The following DLG2 variants were observed in gnomAD, a reference collection of about 807,000 sequenced individuals.
The protein encoded by DLG2 is disks large homolog 2.
In DLG2, 45 loss-of-function variants were observed where a neutral mutation model predicts 132.5. The observed-to-expected ratio is 0.34, with a 90% confidence interval of 0.27 to 0.44. The LOEUF (loss-of-function observed/expected upper bound fraction) is 0.44. Ranked by LOEUF, DLG2 falls within the 20% of genes least tolerant of loss-of-function variation. The pLI is 1.00. For synonymous variants in DLG2, 424 were observed against 419.6 expected, an observed-to-expected ratio of 1.01 and a Z score of -0.13; for missense variants, 1,045 against 1,196.9, an observed-to-expected ratio of 0.87 and a Z score of 1.87.
At chr11:83,937,071 A>C (rs1458634394) in intron 14 of DLG2, among the ~76,000 whole-genome samples, 1 of 152,196 alleles carries the variant, frequency 6.6e-6, no homozygotes, top group Admixed American at 6.5e-5. Context: ...TTGATTTTTA[A>C]AAAATTTTTA....
intron 7 of DLG2, among the ~76,000 whole-genome samples, chr11:84,328,187 G>T (rs531875273): frequency 1.3e-5 from 2 of 151,966 alleles, no homozygotes; most frequent in East Asian, 3.9e-4. Flanking sequence ...TATGAATAAT[G>T]ATATGGGTAA....
intron 18 of DLG2, among the ~76,000 whole-genome samples, chr11:83,753,987 C>G (rs1301001871): frequency 1.4e-5 from 2 of 147,534 alleles, no homozygotes; most frequent in African/African-American, 5.2e-5. Flanking sequence ...AGAAAAAAGG[C>G]AGTAATACAA....
At chr11:83,962,848 T>C (rs1324018571) in intron 14 of DLG2, 37 bp downstream of exon 14, 2 of 1,605,570 alleles carry the variant, frequency 1.2e-6, no homozygotes, top group East Asian at 4.5e-5. Flanking sequence ...TTTCTGGTAA[T>C]AAGAGCAAAT....
intron 6 of DLG2, among the ~76,000 whole-genome samples, chr11:84,537,487 C>T (rs1350326643): frequency 6.6e-6 from 1 of 152,144 alleles, no homozygotes; most frequent in East Asian, 1.9e-4. Context: ...CATTTTTAAG[C>T]TTCTTTTAAA....
rs188414939 is a variant in DLG2 at position 84,361,590 on chromosome 11, C to T, written c.520-110299G>A. Among the ~76,000 whole-genome samples, 15 of 151,936 alleles carry T rather than the reference C, an allele frequency of 9.9e-5. No individual in the cohort carries two copies. The East Asian group carries it at 2.1e-3, about 22-fold the overall frequency. ...CAAAGAAAAATAACGACAGAGGAAA[C>T]GTATATCTATACACAGAATTTATAG... On this transcript the variant is annotated intron_variant, in intron 7 of 27. Coordinates refer to ENST00000376104, the MANE Select transcript of DLG2 (RefSeq NM_001142699.3).
chr11:85,271,297 ACCT>A (rs2077513454), intron 4 of DLG2, among the ~76,000 whole-genome samples: 2 of 151,894 alleles, frequency 1.3e-5, no homozygotes. Flanking sequence ...AGGTTTGGAA[ACCT>A]CCGCCTAGAT....
chr11:85,124,195 T>C (rs2074784573), intron 5 of DLG2, among the ~76,000 whole-genome samples: 1 of 152,246 alleles, frequency 6.6e-6, no homozygotes, highest in Admixed American at 6.5e-5. Flanking sequence ...TTGTCTGGGA[T>C]GTTCTTTGCC....
intron 6 of DLG2, among the ~76,000 whole-genome samples, chr11:84,972,950 GTT>G (rs199563898): frequency 2.2e-4 from 31 of 140,794 alleles, no homozygotes; most frequent in African/African-American, 3.6e-4. Context: ...AGTTTTTTGG[GTT>G]TTTTTTTTTT....
At chr11:84,985,732 G>A (rs1055588401) in intron 6 of DLG2, among the ~76,000 whole-genome samples, 1 of 152,106 alleles carries the variant, frequency 6.6e-6, no homozygotes, top group Non-Finnish European at 1.5e-5. Context: ...GGTGGCTCAT[G>A]CCTGTAATCC....
chr11:85,320,861 G>A (rs1288271023), intron 3 of DLG2, among the ~76,000 whole-genome samples: 3 of 151,750 alleles, frequency 2.0e-5, no homozygotes, highest in Admixed American at 1.3e-4. Flanking sequence ...GACAGAAGAG[G>A]ATGTTGGAAA....
chr11:83,648,773 G>C (rs774323864), intron 18 of DLG2, among the ~76,000 whole-genome samples: 1 of 152,120 alleles, frequency 6.6e-6, no homozygotes, highest in African/African-American at 2.4e-5. Context: ...TATGGATGTA[G>C]ACATTTCCTG....
intron 7 of DLG2, among the ~76,000 whole-genome samples, chr11:84,295,202 A>G (rs1445094311): frequency 6.6e-6 from 1 of 152,194 alleles, no homozygotes; most frequent in Non-Finnish European, 1.5e-5. Context: ...AAGGTAAGTT[A>G]CTTTGCTTCT....
rs2099513556 is a variant in DLG2 at position 84,580,381 on chromosome 11, C to A, written c.358-45650G>T. ...TTGCTAACTCTTTGACTTGTACTTA[C>A]AGTCTTAGTCTCAAACTACATTACC... is the stretch of plus-strand genomic sequence containing the variant. On this transcript the variant is annotated intron_variant, in intron 6 of 27. Coordinates refer to ENST00000376104, the MANE Select transcript of DLG2 (RefSeq NM_001142699.3). Among the ~76,000 whole-genome samples, 4 of 152,202 alleles carry A rather than the reference C, an allele frequency of 2.6e-5. 1 individual carries two copies. The South Asian group carries it at 8.3e-4, about 31-fold the overall frequency.
intron 6 of DLG2, chr11:85,021,415 A>C: frequency 7.2e-7 from 1 of 1,389,844 alleles, no homozygotes; most frequent in Non-Finnish European, 1.0e-6. Context: ...GTTAATATCT[A>C]AAACCTGGTC....
At chr11:83,697,027 A>T (rs2082065713) in intron 18 of DLG2, among the ~76,000 whole-genome samples, 1 of 152,198 alleles carries the variant, frequency 6.6e-6, no homozygotes, top group Admixed American at 6.5e-5. Context: ...TCTAAACAAA[A>T]ATTTTTCTGT....
chr11:83,841,434 A>G (rs1368725427), intron 16 of DLG2, among the ~76,000 whole-genome samples: 1 of 152,148 alleles, frequency 6.6e-6, no homozygotes, highest in Non-Finnish European at 1.5e-5. Flanking sequence ...AGGGATTGTA[A>G]TCTTCTAGAA....
At chr11:84,364,510 C>T (rs2098670057) in intron 7 of DLG2, among the ~76,000 whole-genome samples, 1 of 152,148 alleles carries the variant, frequency 6.6e-6, no homozygotes, top group African/African-American at 2.4e-5. Context: ...ATTTCCTTCT[C>T]CTGCCTAATT....
chr11:84,532,117 A>AT (rs67139617), intron 7 of DLG2, among the ~76,000 whole-genome samples: 10,505 of 104,518 alleles, frequency 0.1, 963 homozygotes, highest in African/African-American at 0.21. Flanking sequence ...TGTTCTGTTC[A>AT]TTTTTTTTTT....
At chr11:84,438,954 G>A (rs1252975458) in intron 7 of DLG2, among the ~76,000 whole-genome samples, 1 of 152,170 alleles carries the variant, frequency 6.6e-6, no homozygotes, top group Non-Finnish European at 1.5e-5. Flanking sequence ...TATCCCTTAA[G>A]AGAGTTTCAT....
Sources: gnomAD v4.1 joint callset for allele counts (sites outside exome capture counted in the v4.1 genomes callset) on GRCh38, gnomAD v4.1.1 for gene constraint, MANE v1.5 for transcripts, NCBI Gene and HGNC (gene_info 2026-07-23, HGNC 2026-07-21) for gene names.